YY1AP1: variants seen among roughly 807,000 people sequenced by gnomAD.
The protein encoded by YY1AP1 is YY1-associated protein 1.
Under a neutral mutation model 39.9 loss-of-function variants are expected in YY1AP1, and 43 were observed. That is an observed-to-expected ratio of 1.08 (90% CI 0.84 to 1.39). The LOEUF is 1.39. Ranked by LOEUF, YY1AP1 falls within the 40% of genes most tolerant of loss-of-function variation. The pLI is 0.00. For missense variants in YY1AP1, 813 were observed against 900.7 expected (o/e 0.90, Z 1.25); for synonymous variants, 292 against 331.3 (o/e 0.88, Z 1.29).
At chr1:155,674,835 A>C in intron 6 of YY1AP1, 175 bp downstream of exon 6, 1 of 550,046 alleles carries the variant, frequency 1.8e-6, no homozygotes, top group East Asian at 3.4e-5. Flanking sequence ...CAAAAAAGAA[A>C]AGAAAAAATT....
intron 4 of YY1AP1, among the ~76,000 whole-genome samples, chr1:155,678,982 C>T (rs1254089265): frequency 1.3e-5 from 2 of 152,198 alleles, no homozygotes; most frequent in African/African-American, 4.8e-5. Flanking sequence ...CTCCTTACTG[C>T]AGGTGCTTCA....
At chr1:155,670,704 CTGGCT>C in intron 7 of YY1AP1, 1 of 403,300 alleles carries the variant, frequency 2.5e-6, no homozygotes, top group African/African-American at 2.2e-5. Flanking sequence ...TAGACGGAGT[CTGGCT>C]CTGTCGCCCA....
At chr1:155,669,137 G>A (rs1015126355) in intron 8 of YY1AP1, among the ~76,000 whole-genome samples, 3 of 152,168 alleles carry the variant, frequency 2.0e-5, no homozygotes, top group Admixed American at 6.5e-5. Context: ...GGGTTCAATC[G>A]ATTCCCGCAC....
chr1:155,676,587 G>A lies in YY1AP1; in HGVS notation c.285C>T (p.Asp95=). 6.2e-7 allele frequency: 1 copy of A among 1,614,134 alleles called. No homozygotes were observed. Among genetic ancestry groups the A allele is most frequent in the Non-Finnish European group, 8.5e-7 (1 of 1,180,016 alleles). Reference sequence around the variant, plus strand: ...GCTGGAGTCTCTTCCTTTGTGCTGGGTCCAGAATCAGGGTCTGATGAACTT... The same window carrying A: ...GCTGGAGTCTCTTCCTTTGTGCTGGATCCAGAATCAGGGTCTGATGAACTT... ...CKEVHQTLIL[D]PAQRKRLQQQ... Residue 95 remains aspartate (D), a synonymous_variant, in exon 5 of 11, where the codon GAC becomes GAT. Coordinates refer to ENST00000355499, the MANE Select transcript of YY1AP1 (RefSeq NM_139119.3).
intron 1 of YY1AP1, chr1:155,688,456 T>G: frequency 1.3e-6 from 2 of 1,549,318 alleles, no homozygotes; most frequent in Non-Finnish European, 1.7e-6. Flanking sequence ...TTCGCCCGAC[T>G]CCGGCCATGT....
chr1:155,676,691 G>A lies in YY1AP1; in HGVS notation c.181C>T (p.Leu61=), dbSNP rs1452171650. ...TTCTTCATCTTCAGCTGTTCAAATA[G>A]TTCCTTCGCTATCTGATGTTGTTCA... ...LNEQHQIAKE[L]FEQLKMKKPS... is the part of the protein sequence containing the mutation. Residue 61 remains leucine (L), a synonymous_variant, in exon 5 of 11, where the codon CTA becomes TTA. Transcript: ENST00000355499. 5 of 1,614,020 alleles carry A rather than the reference G, an allele frequency of 3.1e-6. No individual in the cohort carries two copies. The highest frequency in any genetic ancestry group is 1.6e-4 in the Middle Eastern group (1 of 6,084).
At chr1:155,685,846 T>C (rs1295025916) in intron 2 of YY1AP1, among the ~76,000 whole-genome samples, 1 of 152,100 alleles carries the variant, frequency 6.6e-6, no homozygotes, top group Non-Finnish European at 1.5e-5. Flanking sequence ...GAGGGCCCAG[T>C]GTCTTTCATC....
In YY1AP1 at chr1:155,660,019, G is replaced by A; in HGVS notation, c.1891C>T (p.Pro631Ser). The stretch of plus-strand genomic sequence containing the variant: ...ACATTCATGTGGGCCTTATCTTCAG[G>A]GGTGGATGGTATAGGAAGATTCACA... ...NSVNLPIPST[P>S]EDKAHMNVDI... The change falls in exon 11 of 11, where the codon CCT becomes TCT. Residue 631 changes from proline (P) to serine (S), a missense_variant. By Grantham distance (74) the Pro-to-Ser change is moderately conservative. Coordinates refer to ENST00000355499, the MANE Select transcript of YY1AP1 (RefSeq NM_139119.3). The A allele has an allele frequency of 1.2e-6, 2 of 1,614,142 alleles. No individual in the cohort carries two copies. The highest frequency in any genetic ancestry group is 1.7e-6 in the Non-Finnish European group (2 of 1,180,042).
At chr1:155,674,460 AAATG>A (rs1650334652) in intron 6 of YY1AP1, among the ~76,000 whole-genome samples, 1 of 152,062 alleles carries the variant, frequency 6.6e-6, no homozygotes, top group African/African-American at 2.4e-5. Flanking sequence ...AACATCTATG[AAATG>A]AATAGCGGTA....
At chr1:155,686,574 A>C (rs1223876632) in intron 2 of YY1AP1, among the ~76,000 whole-genome samples, 2 of 152,034 alleles carry the variant, frequency 1.3e-5, no homozygotes, top group Admixed American at 6.6e-5. Context: ...CAAGGCATGG[A>C]CCATTCATTG....
chr1:155,667,479 C>G (rs1351871133), intron 9 of YY1AP1, among the ~76,000 whole-genome samples: 1 of 148,702 alleles, frequency 6.7e-6, no homozygotes, highest in Non-Finnish European at 1.5e-5. Flanking sequence ...GCCAGGATGA[C>G]AGAGTGAGAA....
chr1:155,670,194 C>T, intron 8 of YY1AP1, 126 bp downstream of exon 8: 1 of 1,290,228 alleles, frequency 7.8e-7, no homozygotes, highest in Non-Finnish European at 1.1e-6. Context: ...CTAGAGGACT[C>T]TGCTCATCTA....
chr1:155,673,155 A>G (rs1650103355), intron 6 of YY1AP1, among the ~76,000 whole-genome samples: 1 of 152,076 alleles, frequency 6.6e-6, no homozygotes, highest in African/African-American at 2.4e-5. Flanking sequence ...AGCTGGGACT[A>G]TAGGCATACA....
rs1653113627 is a variant in YY1AP1, at chr1:155,688,667, G to C, written c.-160C>G. The C allele has an allele frequency of 6.5e-7, 1 of 1,532,758 alleles. No individual in the cohort carries two copies. The allele number at this position is 1,532,758 out of a possible 1,614,324, so 94.9% of individuals were successfully genotyped here. On this transcript the variant is annotated 5_prime_UTR_variant, in exon 1 of 11. Transcript: ENST00000355499. ...CAGGCCCTCACGCGTACCTTCAGCG[G>C]CGCGAGCCCAAGCCTTCTCCACCTC...
At chr1:155,678,290 G>A (rs951618889) in intron 4 of YY1AP1, among the ~76,000 whole-genome samples, 5 of 152,088 alleles carry the variant, frequency 3.3e-5, no homozygotes, top group African/African-American at 9.7e-5. Flanking sequence ...ATGATGAATC[G>A]TTTAATGATA....
rs1345786265 is a variant in YY1AP1, at chr1:155,660,472, G to C, written c.1438C>G (p.Pro480Ala). 1 of 1,614,038 alleles carries C rather than the reference G, an allele frequency of 6.2e-7. No homozygotes were observed. Among genetic ancestry groups the C allele is most frequent in the African/African-American group, 1.3e-5 (1 of 74,898 alleles). The change falls in exon 11 of 11, where the codon CCT (proline) becomes GCT (alanine). Residue 480 changes from proline to alanine, a missense_variant. By Grantham distance (27) the Pro-to-Ala change is conservative (BLOSUM62 -1). Around this residue, in one of 3 missense-constraint regions of YY1AP1, gnomAD observed 586 missense variants for 647.4 expected, o/e 0.91. Transcript: ENST00000355499. ...GVSGGESFES[P>A]AALPAMPPEA... Reference sequence around the variant, plus strand: ...GGGGGCATAGCAGGCAGTGCTGCAGGAGACTCAAAACTCTCACCTCCACTG... The same window carrying C: ...GGGGGCATAGCAGGCAGTGCTGCAGCAGACTCAAAACTCTCACCTCCACTG...
At chr1:155,675,620 A>T (rs1470444796) in intron 5 of YY1AP1, among the ~76,000 whole-genome samples, 1 of 151,444 alleles carries the variant, frequency 6.6e-6, no homozygotes, top group African/African-American at 2.4e-5. Context: ...CACTGTGCCC[A>T]GCCTTATTTT....
Position 155,674,825 on chromosome 1 carries a change from C to T in YY1AP1, c.411+185G>A, listed in dbSNP as rs1650397637. 1.2e-5 allele frequency: 6 copies of T among 508,976 alleles called. No homozygotes were observed. In the East Asian group the frequency reaches 1.8e-4, roughly 16 times the overall value. 31.5% of individuals were successfully genotyped at this position (508,976 alleles called of 1,614,324 possible). A position where few individuals can be genotyped will look rare whatever the true frequency, so the allele number is the denominator to read the frequency against. On this transcript the variant is annotated intron_variant, in intron 6 of 10. Coordinates refer to ENST00000355499, the MANE Select transcript of YY1AP1 (RefSeq NM_139119.3). ...TGGGTGAAAGAGCAAGACCCTGTCT[C>T]AAAAAAGAAAAGAAAAAATTGAATA...
intron 9 of YY1AP1, among the ~76,000 whole-genome samples, chr1:155,667,471 C>G (rs1027627071): frequency 1.3e-5 from 2 of 150,420 alleles, no homozygotes; most frequent in African/African-American, 4.9e-5. Context: ...GCACTCCAGC[C>G]AGGATGACAG....
Sources: gnomAD v4.1 joint callset for allele counts (sites outside exome capture counted in the v4.1 genomes callset) on GRCh38, gnomAD v4.1.1 for gene constraint, gnomAD v4.1.1 regional missense constraint, MANE v1.5 for transcripts, NCBI Gene and HGNC (gene_info 2026-07-23, HGNC 2026-07-21) for gene names.